The following PDE1A variants were observed in gnomAD, a reference collection of about 807,000 sequenced individuals.
The protein encoded by PDE1A is dual specificity calcium/calmodulin-dependent 3',5'-cyclic nucleotide phosphodiesterase 1A.
PDE1A carries 35 observed loss-of-function variants against 61.7 expected under a neutral mutation model. The observed-to-expected ratio is 0.57, with a 90% CI of 0.43 to 0.75. The LOEUF (loss-of-function observed/expected upper bound fraction) is 0.75, where lower values mean the gene tolerates loss of function less well. Among genes scored for constraint, PDE1A ranks in the 30% least tolerant of loss-of-function variants. The pLI is 0.00. For missense variants in PDE1A, 597 were observed against 630.6 expected (o/e 0.95, Z 0.57); for synonymous variants, 232 against 213.2 (o/e 1.09, Z -0.77).
chr2:182,348,597 T>C (rs890408376), intron 1 of PDE1A, among the ~76,000 whole-genome samples: 2 of 152,144 alleles, frequency 1.3e-5, no homozygotes, highest in African/African-American at 2.4e-5. Flanking sequence ...GTCACATCTA[T>C]ACATGTATAG....
the PDE1A span, among the ~76,000 whole-genome samples, chr2:182,658,325 A>T: frequency 2.0e-5 from 3 of 152,182 alleles, no homozygotes; most frequent in South Asian, 6.2e-4. Flanking sequence ...CAATTGTAAC[A>T]CTCCAATCTC....
chr2:182,262,290 T>A (rs1559267230), intron 2 of PDE1A, among the ~76,000 whole-genome samples: 4 of 151,812 alleles, frequency 2.6e-5, no homozygotes, highest in Non-Finnish European at 5.9e-5. Context: ...TCTATTGACA[T>A]GATCTCACTC....
the PDE1A span, among the ~76,000 whole-genome samples, chr2:182,535,663 C>T: frequency 3.9e-5 from 6 of 151,998 alleles, no homozygotes; most frequent in Middle Eastern, 3.4e-3. Flanking sequence ...GTACATTTGA[C>T]GGGGGTATAT....
At chr2:182,292,295 T>C (rs1046714055) in intron 1 of PDE1A, among the ~76,000 whole-genome samples, 4 of 152,176 alleles carry the variant, frequency 2.6e-5, no homozygotes, top group Middle Eastern at 3.4e-3. Flanking sequence ...ATTTTATGCC[T>C]AAATTTTCAA....
At chr2:182,672,823 A>T in the PDE1A span, among the ~76,000 whole-genome samples, 1 of 152,222 alleles carries the variant, frequency 6.6e-6, no homozygotes, top group Admixed American at 6.5e-5. Flanking sequence ...TGCCCCTTCA[A>T]ATCTGAATTC....
chr2:182,544,508 C>T, the PDE1A span, among the ~76,000 whole-genome samples: 1 of 152,108 alleles, frequency 6.6e-6, no homozygotes, highest in Non-Finnish European at 1.5e-5. Flanking sequence ...TGCGACATAC[C>T]ATCAGCTTAG....
chr2:182,283,633 A>G (rs1693969994), intron 1 of PDE1A, among the ~76,000 whole-genome samples: 1 of 152,126 alleles, frequency 6.6e-6, no homozygotes, highest in African/African-American at 2.4e-5. Context: ...TTACAAAGAT[A>G]CAACCTGAAG....
intron 2 of PDE1A, among the ~76,000 whole-genome samples, chr2:182,467,440 C>A (rs1380565177): frequency 2.6e-5 from 4 of 151,750 alleles, no homozygotes; most frequent in African/African-American, 9.7e-5. Context: ...AAACATTGGA[C>A]CCAGATAGCT....
At chr2:182,328,172 A>G (rs1480307587) in intron 1 of PDE1A, among the ~76,000 whole-genome samples, 1 of 152,200 alleles carries the variant, frequency 6.6e-6, no homozygotes, top group Non-Finnish European at 1.5e-5. Flanking sequence ...AAGGTGTGAA[A>G]TAGATTCTAA....
rs1553602127 is a variant in PDE1A, at chr2:182,364,488, A to AACAAACAACAAC, written c.53+62089_53+62090insGTTGTTGTTTGT. 1.5e-3 allele frequency among the ~76,000 whole-genome samples: 222 copies of AACAAACAACAAC among 145,244 alleles called. 5 individuals are homozygous for AACAAACAACAAC. The highest frequency in any genetic ancestry group is 5.6e-3 in the African/African-American group (217 of 39,068). On this transcript the variant is annotated intron_variant, in intron 1 of 13. Transcript: ENST00000351439. ...TGGTAAAAAAAAAAAAAAAAAAAAA[A>AACAAACAACAAC]AAAAAAAAAAACCTTATTCTGAATT...
chr2:182,589,428 A>G, the PDE1A span, among the ~76,000 whole-genome samples: 1 of 152,090 alleles, frequency 6.6e-6, no homozygotes, highest in Non-Finnish European at 1.5e-5. Flanking sequence ...ATCAAATCCA[A>G]TCTGAATGAA....
the PDE1A span, among the ~76,000 whole-genome samples, chr2:182,570,156 G>C: frequency 6.6e-6 from 1 of 152,060 alleles, no homozygotes; most frequent in Admixed American, 6.6e-5. Flanking sequence ...ACATTCAAAG[G>C]GGAGATAAAA....
chr2:182,706,152 C>G, the PDE1A span, among the ~76,000 whole-genome samples: 1 of 152,280 alleles, frequency 6.6e-6, no homozygotes, highest in East Asian at 1.9e-4. Flanking sequence ...GATCTAGACA[C>G]AGGGAAACAG....
chr2:182,455,284 T>C (rs567009800), intron 2 of PDE1A, among the ~76,000 whole-genome samples: 3 of 152,186 alleles, frequency 2.0e-5, no homozygotes, highest in South Asian at 2.1e-4. Flanking sequence ...TGTGGAGAAA[T>C]AGGAACACTT....
At chr2:182,184,007 G>GAAAGA (rs1684986552) in intron 13 of PDE1A, among the ~76,000 whole-genome samples, 1 of 134,616 alleles carries the variant, frequency 7.4e-6, no homozygotes, top group Non-Finnish European at 1.6e-5. Flanking sequence ...GAAAGGAAGA[G>GAAAGA]AAGAAAGAAA....
the PDE1A span, among the ~76,000 whole-genome samples, chr2:182,665,437 T>C: frequency 0.015 from 2,353 of 152,174 alleles, 34 homozygotes; most frequent in East Asian, 0.079. Context: ...TCAGAAGACA[T>C]TTATGTGGCC....
intron 1 of PDE1A, among the ~76,000 whole-genome samples, chr2:182,379,660 A>T (rs2125303653): frequency 6.6e-6 from 1 of 152,340 alleles, no homozygotes; most frequent in East Asian, 1.9e-4. Context: ...TTAAGCATAA[A>T]ATGTTAACAG....
At chr2:182,474,632 T>C (rs1027750123) in intron 2 of PDE1A, among the ~76,000 whole-genome samples, 35 of 151,896 alleles carry the variant, frequency 2.3e-4, no homozygotes, top group Admixed American at 2.6e-4. Flanking sequence ...ATTAGGTCAG[T>C]CCTCTTGATG....
chr2:182,161,013 G>GCTTC (rs1267146595), intron 13 of PDE1A, among the ~76,000 whole-genome samples: 1 of 152,196 alleles, frequency 6.6e-6, no homozygotes, highest in Non-Finnish European at 1.5e-5. Context: ...CTTTCAGGAG[G>GCTTC]TAAGGAGTTC....
Sources: allele counts gnomAD v4.1 joint callset (sites outside exome capture counted in the v4.1 genomes callset), GRCh38; gene constraint gnomAD v4.1.1; transcripts MANE v1.5; gene names NCBI Gene and HGNC (gene_info 2026-07-23, HGNC 2026-07-21).